The following MUC5B variants were observed in gnomAD, a reference collection of about 807,000 sequenced individuals.
MUC5B encodes the protein mucin-5B.
A neutral mutation model predicts 376.9 loss-of-function variants in MUC5B; 116 were observed. The ratio of observed to expected loss-of-function variants is 0.31; its 90% CI spans 0.26 to 0.36. The LOEUF (loss-of-function observed/expected upper bound fraction) is 0.36, where lower values mean the gene tolerates loss of function less well. Among genes scored for constraint, MUC5B ranks in the 10% least tolerant of loss-of-function variants. The pLI is 1.00. For synonymous variants in MUC5B, 3,517 were observed against 3,390.9 expected (o/e 1.04, Z -1.29); for missense variants, 7,165 against 7,769.9 (o/e 0.92, Z 2.93).
Position 1,248,477 on chromosome 11 carries a change from C to T in MUC5B, c.11597C>T (p.Pro3866Leu), listed in dbSNP as rs187569173. ...TPGTAHTTKV[P>L]TTTTTGFTVT... is the part of the protein sequence containing the mutation. ...GGAACAGCTCACACTACCAAAGTGC[C>T]GACTACCACAACCACGGGCTTCACA... Residue 3866 changes from proline to leucine, a missense_variant, in exon 31 of 49, where the codon CCG becomes CTG. Pro to Leu is a moderately conservative substitution (Grantham distance 98). Around this residue, in one of 31 missense-constraint regions of MUC5B, gnomAD observed 242 missense variants for 199.0 expected, o/e 1.22. Coordinates refer to ENST00000529681, the MANE Select transcript of MUC5B (RefSeq NM_002458.3). 0.056 allele frequency: 87,355 copies of T among 1,568,910 alleles called. 6,121 individuals are homozygous for T. Among genetic ancestry groups the T allele is most frequent in the Admixed American group, 0.13 (7,679 of 58,928 alleles).
chr11:1,256,731 C>A lies in MUC5B; in HGVS notation c.16197C>A (p.Ile5399=), dbSNP rs1035844558. The A allele has an allele frequency of 6.4e-7, 1 of 1,557,110 alleles. No homozygotes were observed. The highest frequency in any genetic ancestry group is 1.2e-5 in the South Asian group (1 of 83,702). The part of the protein sequence containing the change: ...AEGCFCPEDQ[I]LFNAHMGICV... Reference sequence around the variant, plus strand: ...GCTGCTTCTGCCCTGAGGACCAGATCCTCTTCAACGCACACATGGGCATCT... The same window carrying A: ...GCTGCTTCTGCCCTGAGGACCAGATACTCTTCAACGCACACATGGGCATCT... The change falls in exon 39 of 49, where the codon ATC becomes ATA. Residue 5399 remains isoleucine, a synonymous_variant. Coordinates refer to ENST00000529681, the MANE Select transcript of MUC5B (RefSeq NM_002458.3).
chr11:1,239,139 C>A, intron 26 of MUC5B, 112 bp downstream of exon 26: 1 of 1,303,540 alleles, frequency 7.7e-7, no homozygotes, highest in Non-Finnish European at 1.1e-6. Flanking sequence ...CACAGACATC[C>A]AACACGCATG....
At chr11:1,251,863 T>TGAGGC in intron 31 of MUC5B, 120 bp downstream of exon 31, 1 of 759,610 alleles carries the variant, frequency 1.3e-6, no homozygotes, top group African/African-American at 1.8e-5. Context: ...CCCACTGGCC[T>TGAGGC]CACTTGGCCC....
chr11:1,254,558 G>T, intron 34 of MUC5B, 136 bp from the exon 35 acceptor site: 1 of 1,212,304 alleles, frequency 8.2e-7, no homozygotes, highest in Middle Eastern at 2.3e-4. Context: ...CAGGCCCCCA[G>T]GGAAGATCTG....
At chr11:1,254,423 G>T in intron 34 of MUC5B, 72 bp downstream of exon 34, 1 of 1,562,336 alleles carries the variant, frequency 6.4e-7, no homozygotes, top group South Asian at 1.2e-5. Context: ...ACTGCAGGCC[G>T]GGGTGACCCA....
chr11:1,239,605 TGGGTTCCC>T, intron 27 of MUC5B, 39 bp downstream of exon 27: 1 of 1,538,678 alleles, frequency 6.5e-7, no homozygotes, highest in Non-Finnish European at 8.8e-7. Context: ...CTCCTCTCCT[TGGGTTCCC>T]GAGTGTACGT....
At position 1,253,159 on chromosome 11, in the gene MUC5B, TG is replaced by T; in HGVS notation, c.15217+181del. The T allele has an allele frequency of 1.3e-6, 1 of 757,478 alleles. No homozygotes were observed. Among genetic ancestry groups the T allele is most frequent in the Non-Finnish European group, 2.2e-6 (1 of 458,256 alleles). The allele number at this position is 757,478 out of a possible 1,614,324, so 46.9% of individuals were successfully genotyped here. ...GGTGGGGCATGGTGGGGTGTGGTGGTGGTGTTTGGGAGATCGCTGGCATCCC... is the reference window on the plus strand; with the variant it reads ...GGTGGGGCATGGTGGGGTGTGGTGGTGTGTTTGGGAGATCGCTGGCATCCC... On this transcript the variant is annotated intron_variant, in intron 33 of 48. Transcript: ENST00000529681. The surrounding 1 kb of genome is among the most constrained non-coding windows in gnomAD (Gnocchi z 4.3).
At position 1,251,675 on chromosome 11, in the gene MUC5B, C is replaced by G. The variant is rs1862705055; in HGVS notation, c.14795C>G (p.Thr4932Ser). 2 of 1,612,814 alleles carry G rather than the reference C, an allele frequency of 1.2e-6. No homozygotes were observed. Among genetic ancestry groups the G allele is most frequent in the African/African-American group, 1.3e-5 (1 of 74,950 alleles). ...SSSVLTTLRP[T>S]GFPSSHFSTP... Reference sequence around the variant, plus strand: ...TCAGTCCTCACCACCCTGAGACCCACTGGCTTCCCCAGCTCCCACTTCTCT... The same window carrying G: ...TCAGTCCTCACCACCCTGAGACCCAGTGGCTTCCCCAGCTCCCACTTCTCT... The change falls in exon 31 of 49, where the codon ACT (threonine) becomes AGT (serine). Residue 4932 changes from threonine to serine, a missense_variant. By Grantham distance (58) the Thr-to-Ser change is moderately conservative (BLOSUM62 1). This residue lies in a region of MUC5B where 730 missense variants were observed against 592.7 expected (regional missense o/e 1.23). Transcript: ENST00000529681.
intron 32 of MUC5B, 53 bp downstream of exon 32, chr11:1,252,577 G>T: frequency 6.8e-7 from 1 of 1,461,102 alleles, no homozygotes. Context: ...GGTCTGGGTT[G>T]GCTGGAGGCA....
Position 1,245,602 on chromosome 11 carries a change from G to A in MUC5B, c.8722G>A (p.Val2908Ile), listed in dbSNP as rs745678847. The A allele has an allele frequency of 5.7e-5, 91 of 1,587,758 alleles. No homozygotes were observed. The highest frequency in any genetic ancestry group is 2.3e-4 in the East Asian group (10 of 44,196). The change falls in exon 31 of 49, where the codon GTC (valine) becomes ATC (isoleucine). Residue 2908 changes from valine to isoleucine, a missense_variant. By Grantham distance (29) the Val-to-Ile change is conservative (BLOSUM62 3). Coordinates refer to ENST00000529681, the MANE Select transcript of MUC5B (RefSeq NM_002458.3). ...CAACATCCGTGCGGCCGGAGGGGCC[G>A]TCTGTGAGCAGCCCCTGGGCCTCGA... ...YSNIRAAGGAVCEQPLGLECR... is the reference protein window; with the variant it reads ...YSNIRAAGGAICEQPLGLECR...
chr11:1,244,068 C>G lies in MUC5B; in HGVS notation c.7188C>G (p.Phe2396Leu), dbSNP rs777675134. The change falls in exon 31 of 49, where the codon TTC (phenylalanine) becomes TTG (leucine). Residue 2396 changes from phenylalanine (F) to leucine (L), a missense_variant. Physicochemically the swap from Phe to Leu is conservative, Grantham distance 22 (BLOSUM62 0). Coordinates refer to ENST00000529681, the MANE Select transcript of MUC5B (RefSeq NM_002458.3). ...GGAACCGTGAGCAGGTGGGGAAGTT[C>G]AAGATGTGCTTCAACTATGAAATCC... ...VCRNREQVGK[F>L]KMCFNYEIRV... The G allele has an allele frequency of 6.7e-6, 10 of 1,492,860 alleles. No individual in the cohort carries two copies. The highest frequency in any genetic ancestry group is 9.3e-6 in the Non-Finnish European group (10 of 1,073,744). The allele number at this position is 1,492,860 out of a possible 1,614,324, so 92.5% of individuals were successfully genotyped here.
chr11:1,232,400 G>C (rs1238012016), intron 15 of MUC5B, 50 bp from the exon 16 acceptor site: 2 of 1,541,406 alleles, frequency 1.3e-6, no homozygotes, highest in Non-Finnish European at 8.8e-7. Flanking sequence ...CGTGTCAGGG[G>C]TGTGGGCTTC....
rs141670831 is a variant in MUC5B, at chr11:1,262,157, C to A, written c.*549C>A. ...AACCCAGCCCAGTTTTGCAAATAAA[C>A]CCTGAGCATTGAGTACGTTTCCTGT... is the stretch of plus-strand genomic sequence containing the variant. On this transcript the variant is annotated 3_prime_UTR_variant, in exon 49 of 49. Transcript: ENST00000529681. 2 of 486,004 alleles carry A rather than the reference C, an allele frequency of 4.1e-6. No homozygotes were observed. Among genetic ancestry groups the A allele is most frequent in the Admixed American group, 2.2e-5 (1 of 46,444 alleles). 30.1% of individuals were successfully genotyped at this position (486,004 alleles called of 1,614,324 possible). A position where few individuals can be genotyped will look rare whatever the true frequency, so the allele number is the denominator to read the frequency against.
chr11:1,241,362 C>G lies in MUC5B; in HGVS notation c.4482C>G (p.Thr1494=), dbSNP rs746914068. The change falls in exon 31 of 49, where the codon ACC becomes ACG. Residue 1494 remains threonine, a synonymous_variant. Coordinates refer to ENST00000529681, the MANE Select transcript of MUC5B (RefSeq NM_002458.3). ...TGSSSGPVTV[T]PSAPGTTTCQ... ...CCAGCTCAGGCCCCGTGACGGTCAC[C>G]CCCTCGGCCCCAGGTACCACCACCT... 21 of 1,612,748 alleles carry G rather than the reference C, an allele frequency of 1.3e-5. No individual in the cohort carries two copies. Among genetic ancestry groups the G allele is most frequent in the African/African-American group, 2.7e-5 (2 of 74,924 alleles).
At position 1,261,966 on chromosome 11, in the gene MUC5B, G is replaced by T. The variant is rs1017624730; in HGVS notation, c.*358G>T. On this transcript the variant is annotated 3_prime_UTR_variant, in exon 49 of 49. Coordinates refer to ENST00000529681, the MANE Select transcript of MUC5B (RefSeq NM_002458.3). The stretch of plus-strand genomic sequence containing the variant: ...CGCAGCACGGATTCCAGCTGGCCAC[G>T]TCCGGCCGCTGGGGCAGACAGGCTG... 2.0e-6 allele frequency: 1 copy of T among 500,876 alleles called. No individual in the cohort carries two copies. The highest frequency in any genetic ancestry group is 3.9e-6 in the Non-Finnish European group (1 of 255,116). The allele number at this position is 500,876 out of a possible 1,614,324, so 31.0% of individuals were successfully genotyped here. A position where few individuals can be genotyped will look rare whatever the true frequency, so the allele number is the denominator to read the frequency against.
In MUC5B at chr11:1,251,377, G is replaced by A. The variant is rs1862686651; in HGVS notation, c.14497G>A (p.Gly4833Arg). 4 of 1,612,102 alleles carry A rather than the reference G, an allele frequency of 2.5e-6. No homozygotes were observed. Among genetic ancestry groups the A allele is most frequent in the Non-Finnish European group, 3.4e-6 (4 of 1,179,016 alleles). The change falls in exon 31 of 49, where the codon GGA (glycine) becomes AGA (arginine). Residue 4833 changes from glycine (G) to arginine (R), a missense_variant. Physicochemically the swap from Gly to Arg is moderately radical, Grantham distance 125. Transcript: ENST00000529681. ...AACAGCCACTACAACTGCAGCCACT[G>A]GATCCACGGCCACCCTGTCCTCCAC... The part of the protein sequence containing the change: ...TTTATTTAAT[G>R]STATLSSTPG...
In MUC5B at chr11:1,258,982, G is replaced by A; in HGVS notation, c.16634G>A (p.Cys5545Tyr). ...TFPGALPCHM[C>Y]TCLSGDTQDP... ...CCAGGCGCCCTTCCCTGCCACATGTGTACCTGCCTCTCTGGGGACACCCAG... is the reference window on the plus strand; with the variant it reads ...CCAGGCGCCCTTCCCTGCCACATGTATACCTGCCTCTCTGGGGACACCCAG... Residue 5545 changes from cysteine to tyrosine, a missense_variant, in exon 44 of 49, where the codon TGT becomes TAT. Physicochemically the swap from Cys to Tyr is radical, Grantham distance 194. Coordinates refer to ENST00000529681, the MANE Select transcript of MUC5B (RefSeq NM_002458.3). This position sits in a 1 kb window ranked among gnomAD's most constrained non-coding sequence, Gnocchi z 5.5. 6.4e-7 allele frequency: 1 copy of A among 1,555,898 alleles called. No individual in the cohort carries two copies. The highest frequency in any genetic ancestry group is 8.7e-7 in the Non-Finnish European group (1 of 1,150,564).
chr11:1,227,799 CCCAGCTCCTGGGCAGGGACGGCCT>C lies in MUC5B; in HGVS notation c.774+23_774+46del, dbSNP rs1861922563. 1.4e-6 allele frequency: 1 copy of C among 697,134 alleles called. No homozygotes were observed. The highest frequency in any genetic ancestry group is 1.8e-5 in the African/African-American group (1 of 57,026). The allele number at this position is 697,134 out of a possible 1,614,324, so 43.2% of individuals were successfully genotyped here. The stretch of plus-strand genomic sequence containing the variant: ...CGGACGAGGTGAGTCCCCCGCCACC[CCCAGCTCCTGGGCAGGGACGGCCT>C]CCAGGTCCAGGGGGAGCTGGGCCGA... On this transcript the variant is annotated intron_variant, in intron 7 of 48. Coordinates refer to ENST00000529681, the MANE Select transcript of MUC5B (RefSeq NM_002458.3).
chr11:1,225,575 C>T, intron 1 of MUC5B, 106 bp from the exon 2 acceptor site: 1 of 1,003,344 alleles, frequency 1.0e-6, no homozygotes, highest in Non-Finnish European at 1.5e-6. Context: ...CCACCAAGGA[C>T]CCCACATGCG....
Sources: gnomAD v4.1 joint callset for allele counts on GRCh38, gnomAD v4.1.1 for gene constraint, gnomAD v4.1.1 regional missense constraint, Gnocchi (gnomAD v3.1) non-coding constraint, MANE v1.5 for transcripts, NCBI Gene and HGNC (gene_info 2026-07-23, HGNC 2026-07-21) for gene names.